PAX3: variants seen among roughly 807,000 people sequenced by gnomAD.
The protein encoded by PAX3 is paired box 3, also known as paired box protein Pax-3.
In PAX3, 14 loss-of-function variants were observed where a neutral mutation model predicts 51.6. The observed-to-expected ratio is 0.27, with a 90% CI of 0.18 to 0.42. The LOEUF is 0.42. Ranked by LOEUF, PAX3 falls within the 10% of genes least tolerant of loss-of-function variation. The pLI, the probability that PAX3 is intolerant of heterozygous loss-of-function variation, is 1.00. For synonymous variants in PAX3, 280 were observed against 253.4 expected, an observed-to-expected ratio of 1.11 and a Z score of -1.00; for missense variants, 540 against 642.8, an observed-to-expected ratio of 0.84 and a Z score of 1.73.
chr2:222,295,165 C>T (rs934691705), intron 3 of PAX3, among the ~76,000 whole-genome samples: 1 of 152,160 alleles, frequency 6.6e-6, no homozygotes, highest in Non-Finnish European at 1.5e-5. Flanking sequence ...AAGTCCCTCC[C>T]GGCGCGGGCC....
intron 4 of PAX3, chr2:222,293,611 T>C (rs1695127440): frequency 6.2e-7 from 1 of 1,611,406 alleles, no homozygotes; most frequent in Non-Finnish European, 8.5e-7. Flanking sequence ...CATTTGAAAA[T>C]CAACTTCAAA....
chr2:222,262,313 C>T (rs979822025), intron 4 of PAX3, among the ~76,000 whole-genome samples: 21 of 152,166 alleles, frequency 1.4e-4, no homozygotes, highest in Admixed American at 1.3e-3. Flanking sequence ...GCTACCATGA[C>T]CATTCTTTTT....
chr2:222,290,547 A>C (rs1309979859), intron 4 of PAX3, among the ~76,000 whole-genome samples: 1 of 152,152 alleles, frequency 6.6e-6, no homozygotes, highest in East Asian at 1.9e-4. Flanking sequence ...CCCCAATCAA[A>C]ACATCAATTT....
intron 4 of PAX3, among the ~76,000 whole-genome samples, chr2:222,235,307 A>T (rs990875304): frequency 1.3e-5 from 2 of 152,152 alleles, no homozygotes; most frequent in African/African-American, 2.4e-5. Flanking sequence ...AACCCTTAGA[A>T]CACAGTAGGC....
intron 2 of PAX3, 125 bp downstream of exon 2, chr2:222,296,853 C>A: frequency 1.2e-6 from 1 of 834,032 alleles, no homozygotes. Flanking sequence ...CCTTTACGCA[C>A]CTTCACAAAC....
At chr2:222,270,597 A>C (rs1284959276) in intron 4 of PAX3, among the ~76,000 whole-genome samples, 1 of 152,200 alleles carries the variant, frequency 6.6e-6, no homozygotes, top group Non-Finnish European at 1.5e-5. Flanking sequence ...AGTTGCCAAA[A>C]TAGAGTGAAA....
At chr2:222,275,226 GTTC>G (rs1694377663) in intron 4 of PAX3, among the ~76,000 whole-genome samples, 1 of 152,118 alleles carries the variant, frequency 6.6e-6, no homozygotes. Flanking sequence ...AAAGGGTATA[GTTC>G]TTCTTCCTAA....
At position 222,232,291 on chromosome 2, in the gene PAX3, C is replaced by G; in HGVS notation, c.587-8G>C. 1 of 1,610,708 alleles carries G rather than the reference C, an allele frequency of 6.2e-7. No homozygotes were observed. The highest frequency in any genetic ancestry group is 8.5e-7 in the Non-Finnish European group (1 of 1,177,152). On this transcript the variant is annotated splice_region_variant and splice_polypyrimidine_tract_variant and intron_variant, in intron 4 of 8. Transcript: ENST00000392070. Reference sequence around the variant, plus strand: ...CTGATTGGGGTGCTGAGGCTAAAAGCACAGAAGAACAAAACATCATAAAAT... The same window carrying G: ...CTGATTGGGGTGCTGAGGCTAAAAGGACAGAAGAACAAAACATCATAAAAT...
chr2:222,210,203 T>C (rs1266277182), intron 7 of PAX3, among the ~76,000 whole-genome samples: 3 of 152,218 alleles, frequency 2.0e-5, no homozygotes, highest in Non-Finnish European at 4.4e-5. Flanking sequence ...ACTAATTCTG[T>C]TCCTGCAGAT....
At chr2:222,294,531 C>G (rs757014166) in intron 3 of PAX3, among the ~76,000 whole-genome samples, 4 of 152,108 alleles carry the variant, frequency 2.6e-5, no homozygotes, top group African/African-American at 4.8e-5. Context: ...TACTGAAAGA[C>G]GGAGGCTGGG....
At chr2:222,286,802 G>A (rs1044015513) in intron 4 of PAX3, among the ~76,000 whole-genome samples, 11 of 152,154 alleles carry the variant, frequency 7.2e-5, no homozygotes, top group Non-Finnish European at 1.3e-4. Context: ...TGTCAGGAAG[G>A]AAAGAAGGAA....
Position 222,298,717 on chromosome 2 carries a change from C to A in PAX3, c.-102G>T. On this transcript the variant is annotated 5_prime_UTR_variant, in exon 1 of 9. Transcript: ENST00000392070. ...CGGGAACTATCCGGAGCGTGGAGAG[C>A]CCCTCCCCAAAACGGCTGGAGAGAG... 1.7e-6 allele frequency: 2 copies of A among 1,176,364 alleles called. No individual in the cohort carries two copies. Among genetic ancestry groups the A allele is most frequent in the Non-Finnish European group, 2.5e-6 (2 of 811,622 alleles). The allele number at this position is 1,176,364 out of a possible 1,614,324, so 72.9% of individuals were successfully genotyped here. A position where few individuals can be genotyped will look rare whatever the true frequency, so the allele number is the denominator to read the frequency against.
At chr2:222,228,752 T>G (rs192369981) in intron 5 of PAX3, among the ~76,000 whole-genome samples, 3 of 151,936 alleles carry the variant, frequency 2.0e-5, no homozygotes, top group Non-Finnish European at 1.5e-5. Context: ...CTGAGCAACA[T>G]AGCAAGACCC....
At chr2:222,242,235 G>A (rs886180867) in intron 4 of PAX3, 1 of 152,060 alleles carries the variant, frequency 6.6e-6, no homozygotes, top group Admixed American at 6.6e-5. Context: ...ACTTACTTCT[G>A]AAATCATAGC....
chr2:222,263,944 G>A (rs1422572101), intron 4 of PAX3: 2 of 152,158 alleles, frequency 1.3e-5, no homozygotes, highest in Non-Finnish European at 2.9e-5. Context: ...AAACTACATT[G>A]ATAGAGAACA....
At chr2:222,252,812 T>C (rs748824970) in intron 4 of PAX3, among the ~76,000 whole-genome samples, 1 of 152,138 alleles carries the variant, frequency 6.6e-6, no homozygotes, top group Non-Finnish European at 1.5e-5. Flanking sequence ...AACTGAGCTA[T>C]TGCTCAGTTC....
Position 222,290,771 on chromosome 2 carries a change from G to A in PAX3, c.586+3396C>T, listed in dbSNP as rs555997015. On this transcript the variant is annotated intron_variant, in intron 4 of 8. Transcript: ENST00000392070. ...ACAGGAAAAGCGTCACCCTGCTGGA[G>A]GGGGAGAAGGAGGGGTGGAGGAGGA... is the stretch of plus-strand genomic sequence containing the variant. Among the ~76,000 whole-genome samples, 6 of 152,294 alleles carry A rather than the reference G, an allele frequency of 3.9e-5. No homozygotes were observed. The South Asian group carries it at 1.0e-3, about 26-fold the overall frequency.
intron 4 of PAX3, among the ~76,000 whole-genome samples, chr2:222,269,664 A>T (rs886379236): frequency 1.3e-5 from 2 of 152,186 alleles, no homozygotes; most frequent in Admixed American, 1.3e-4. Context: ...CATAAAAAAA[A>T]AAAAAAGTCG....
Position 222,202,156 on chromosome 2 carries a change from G to A in PAX3, c.1208C>T (p.Pro403Leu), listed in dbSNP as rs1231011619. The stretch of plus-strand genomic sequence containing the variant: ...CGCGTAATCAGTCTGGGGCTGATGA[G>A]GTACCCCACCGTGGTTGGTCAGGAG... ...MGLLTNHGGV[P>L]HQPQTDYALS... Residue 403 changes from proline (P) to leucine (L), a missense_variant, in exon 8 of 9, where the codon CCT (proline) becomes CTT (leucine). By Grantham distance (98) the Pro-to-Leu change is moderately conservative. Transcript: ENST00000392070. 2 of 1,608,212 alleles carry A rather than the reference G, an allele frequency of 1.2e-6. No individual in the cohort carries two copies. Among genetic ancestry groups the A allele is most frequent in the Non-Finnish European group, 8.5e-7 (1 of 1,177,004 alleles).
Sources: allele counts gnomAD v4.1 joint callset (sites outside exome capture counted in the v4.1 genomes callset), GRCh38; gene constraint gnomAD v4.1.1; transcripts MANE v1.5; gene names NCBI Gene and HGNC (gene_info 2026-07-23, HGNC 2026-07-21).